DPY19L1: variants seen among roughly 807,000 people sequenced by gnomAD.
DPY19L1 encodes protein C-mannosyl-transferase DPY19L1.
Under a neutral mutation model 96.9 loss-of-function variants are expected in DPY19L1, and 35 were observed. The observed-to-expected ratio is 0.36, with a 90% CI of 0.28 to 0.48. The LOEUF is 0.48. Among genes scored for constraint, DPY19L1 ranks in the 20% least tolerant of loss-of-function variants. The probability of loss-of-function intolerance (pLI) is 0.99; values close to 1 mark genes in which losing one functional copy is unlikely to be tolerated. For synonymous variants in DPY19L1, 205 were observed against 252.6 expected (o/e 0.81, Z 1.79); for missense variants, 521 against 777.9 (o/e 0.67, Z 3.93).
intron 7 of DPY19L1, among the ~76,000 whole-genome samples, chr7:34,977,864 A>G (rs1784861497): frequency 1.3e-5 from 2 of 152,160 alleles, no homozygotes; most frequent in African/African-American, 4.8e-5. Context: ...TATAAGAAAT[A>G]CATTTATTGT....
intron 7 of DPY19L1, among the ~76,000 whole-genome samples, chr7:34,978,077 C>A (rs750319531): frequency 6.6e-6 from 1 of 151,988 alleles, no homozygotes; most frequent in Non-Finnish European, 1.5e-5. Flanking sequence ...ATTTTCCAAT[C>A]TCTATTTTCA....
chr7:34,966,222 C>T (rs1784604825), intron 10 of DPY19L1, among the ~76,000 whole-genome samples: 1 of 152,124 alleles, frequency 6.6e-6, no homozygotes, highest in Admixed American at 6.5e-5. Flanking sequence ...CCCTCTTTCC[C>T]CCACTCTGTT....
chr7:34,945,671 C>A lies in DPY19L1; in HGVS notation c.1540G>T (p.Val514Leu). 1.3e-6 allele frequency: 2 copies of A among 1,594,926 alleles called. No individual in the cohort carries two copies. The highest frequency in any genetic ancestry group is 1.1e-5 in the South Asian group (1 of 88,880). Residue 514 changes from valine to leucine, a missense_variant, in exon 16 of 22, where the codon GTA becomes TTA. Val to Leu is a conservative substitution (Grantham distance 32). Coordinates refer to ENST00000638088, the MANE Select transcript of DPY19L1 (RefSeq NM_001366673.1). ...WGVLAKQQTH[V>L]RKHQFDHGEL... ...AATTCTTAATAGCATATTTACCTTACATGTGTCTGTTGTTTAGCTAAGACA... is the reference window on the plus strand; with the variant it reads ...AATTCTTAATAGCATATTTACCTTAAATGTGTCTGTTGTTTAGCTAAGACA...
At chr7:35,030,691 T>A (rs1786239413) in intron 1 of DPY19L1, among the ~76,000 whole-genome samples, 1 of 152,068 alleles carries the variant, frequency 6.6e-6, no homozygotes, top group African/African-American at 2.4e-5. Flanking sequence ...ATAGTGAGAA[T>A]GCTGAGAAAA....
intron 1 of DPY19L1, among the ~76,000 whole-genome samples, chr7:35,027,691 A>G (rs1786160679): frequency 6.8e-6 from 1 of 146,784 alleles, no homozygotes; most frequent in Non-Finnish European, 1.5e-5. Context: ...AAAAAAAATT[A>G]GTTGGGCATG....
chr7:35,004,552 A>G (rs1785507155), intron 6 of DPY19L1, among the ~76,000 whole-genome samples: 1 of 152,236 alleles, frequency 6.6e-6, no homozygotes, highest in African/African-American at 2.4e-5. Flanking sequence ...TTATTTTTCT[A>G]ATCTGTGTCA....
chr7:35,006,249 T>A (rs1785553342), intron 6 of DPY19L1, among the ~76,000 whole-genome samples: 1 of 152,132 alleles, frequency 6.6e-6, no homozygotes, highest in Non-Finnish European at 1.5e-5. Flanking sequence ...CACTATCCAA[T>A]CTATTCTTCC....
chr7:34,965,493 T>C (rs1784589547), intron 10 of DPY19L1, among the ~76,000 whole-genome samples: 2 of 152,084 alleles, frequency 1.3e-5, no homozygotes, highest in African/African-American at 4.8e-5. Flanking sequence ...TTGATTACAA[T>C]TCAAAAAGTC....
chr7:34,933,271 G>A (rs1403882863), intron 21 of DPY19L1, among the ~76,000 whole-genome samples: 1 of 152,200 alleles, frequency 6.6e-6, no homozygotes, highest in Admixed American at 6.5e-5. Context: ...TACCCAATGT[G>A]TAGTCTTTTA....
intron 7 of DPY19L1, among the ~76,000 whole-genome samples, chr7:34,982,423 G>A (rs761984899): frequency 6.6e-6 from 1 of 152,194 alleles, no homozygotes; most frequent in Non-Finnish European, 1.5e-5. Context: ...CAGCAAATGT[G>A]TCAAAATATT....
chr7:35,033,807 TA>T (rs1453753593), intron 1 of DPY19L1, among the ~76,000 whole-genome samples: 1 of 152,078 alleles, frequency 6.6e-6, no homozygotes, highest in Non-Finnish European at 1.5e-5. Flanking sequence ...CTGTAGAGAA[TA>T]AAAGCTGTGG....
intron 16 of DPY19L1, among the ~76,000 whole-genome samples, chr7:34,944,729 A>G (rs1168322293): frequency 6.6e-6 from 1 of 152,130 alleles, no homozygotes; most frequent in Non-Finnish European, 1.5e-5. Context: ...ATAACACACA[A>G]TACTACAAAA....
chr7:35,010,404 A>G lies in DPY19L1; in HGVS notation c.764+64T>C, dbSNP rs542941473. On this transcript the variant is annotated intron_variant, in intron 6 of 21. Coordinates refer to ENST00000638088, the MANE Select transcript of DPY19L1 (RefSeq NM_001366673.1). ...TGAACTATAAATTAATCAATGATTA[A>G]CTATTAACTAATCAACTATTTTATT... The G allele has an allele frequency of 1.7e-5, 15 of 871,792 alleles. No individual in the cohort carries two copies. The African/African-American group carries it at 2.1e-4, about 12-fold the overall frequency. The allele number at this position is 871,792 out of a possible 1,614,324, so 54.0% of individuals were successfully genotyped here.
chr7:35,020,946 T>C (rs1785981406), intron 1 of DPY19L1, among the ~76,000 whole-genome samples: 1 of 152,196 alleles, frequency 6.6e-6, no homozygotes, highest in African/African-American at 2.4e-5. Context: ...TGACCTCAGG[T>C]GATCTGCCCG....
In DPY19L1 at chr7:34,957,996, C is replaced by T. The variant is rs1784414447; in HGVS notation, c.1167G>A (p.Leu389=). 1 of 1,574,522 alleles carries T rather than the reference C, an allele frequency of 6.4e-7. No homozygotes were observed. Among genetic ancestry groups the T allele is most frequent in the South Asian group, 1.2e-5 (1 of 84,548 alleles). The change falls in exon 11 of 22, where the codon TTG becomes TTA. Residue 389 remains leucine (L), a synonymous_variant. Transcript: ENST00000638088. ...MLLTSYYASS[L]VIIWGILAMK... The stretch of plus-strand genomic sequence containing the variant: ...AAGGAATACTTACCCAAATAATTAC[C>T]AAAGAAGAAGCATAATAAGAAGTTA...
chr7:35,014,226 G>C (rs2392303), intron 3 of DPY19L1, among the ~76,000 whole-genome samples: 24 of 151,996 alleles, frequency 1.6e-4, no homozygotes, highest in Middle Eastern at 6.8e-3. Flanking sequence ...AATTTCACTC[G>C]GGTGCCACCT....
chr7:35,003,915 G>A (rs1785490614), intron 6 of DPY19L1, among the ~76,000 whole-genome samples: 1 of 152,184 alleles, frequency 6.6e-6, no homozygotes, highest in Non-Finnish European at 1.5e-5. Flanking sequence ...CCTAGCCCAG[G>A]CACCTTTATT....
intron 6 of DPY19L1, among the ~76,000 whole-genome samples, chr7:35,009,832 A>T (rs926836215): frequency 6.6e-6 from 1 of 152,248 alleles, no homozygotes; most frequent in Non-Finnish European, 1.5e-5. Flanking sequence ...ACACACGTAT[A>T]CACGTACATA....
At chr7:35,034,939 A>T (rs1210571873) in intron 1 of DPY19L1, among the ~76,000 whole-genome samples, 1 of 152,100 alleles carries the variant, frequency 6.6e-6, no homozygotes, top group African/African-American at 2.4e-5. Flanking sequence ...GGGAGGGGGG[A>T]AGAAAACAGG....
Sources: allele counts gnomAD v4.1 joint callset (sites outside exome capture counted in the v4.1 genomes callset), GRCh38; gene constraint gnomAD v4.1.1; transcripts MANE v1.5; gene names NCBI Gene and HGNC (gene_info 2026-07-23, HGNC 2026-07-21).